The following MAML2 variants were observed in gnomAD, a reference collection of about 807,000 sequenced individuals.
The protein encoded by MAML2 is mastermind like transcriptional coactivator 2, also known as mastermind-like protein 2.
A neutral mutation model predicts 96.1 loss-of-function variants in MAML2; 22 were observed. The observed-to-expected ratio is 0.23, with a 90% CI of 0.16 to 0.33. The LOEUF is 0.33. Ranked by LOEUF, MAML2 falls within the 10% of genes least tolerant of loss-of-function variation. The pLI, the probability that MAML2 is intolerant of heterozygous loss-of-function variation, is 1.00. For synonymous variants in MAML2, 561 were observed against 521.3 expected (o/e 1.08, Z -1.04); for missense variants, 1,367 against 1,392.4 (o/e 0.98, Z 0.29).
At chr11:96,039,422 A>G (rs548107866) in intron 2 of MAML2, among the ~76,000 whole-genome samples, 15 of 150,334 alleles carry the variant, frequency 1.0e-4, no homozygotes, top group Non-Finnish European at 2.1e-4. Context: ...GGAGGAGGGA[A>G]GAGGAGAGGA....
chr11:96,163,255 C>A (rs1861142262), intron 1 of MAML2, among the ~76,000 whole-genome samples: 1 of 152,172 alleles, frequency 6.6e-6, no homozygotes, highest in Non-Finnish European at 1.5e-5. Context: ...ATGTGTTCAT[C>A]TCTCATTCCC....
chr11:96,005,190 C>T (rs1186758806), intron 2 of MAML2, among the ~76,000 whole-genome samples: 1 of 152,206 alleles, frequency 6.6e-6, no homozygotes, highest in African/African-American at 2.4e-5. Flanking sequence ...GTTATAACAG[C>T]ACAAATGAAC....
rs1231241776 is a variant in MAML2 at position 96,133,857 on chromosome 11, G to A, written c.514-40340C>T. ...AAAAATACAAAAATTAGCTGGGCGT[G>A]ATGGCATGTGCCTCTAGTCCCAGCT... On this transcript the variant is annotated intron_variant, in intron 1 of 4. Coordinates refer to ENST00000524717, the MANE Select transcript of MAML2 (RefSeq NM_032427.4). Among the ~76,000 whole-genome samples, 6 of 152,276 alleles carry A rather than the reference G, an allele frequency of 3.9e-5. 1 individual carries two copies. In the East Asian group the frequency reaches 1.2e-3, roughly 29 times the overall value.
intron 1 of MAML2, among the ~76,000 whole-genome samples, chr11:96,159,961 C>T (rs951092071): frequency 1.3e-5 from 2 of 152,124 alleles, no homozygotes; most frequent in African/African-American, 2.4e-5. Context: ...TATCATATTC[C>T]GAATTTATTA....
At chr11:96,100,138 C>T (rs11021430) in intron 1 of MAML2, among the ~76,000 whole-genome samples, 38,700 of 152,064 alleles carry the variant, frequency 0.25, 5,361 homozygotes, top group East Asian at 0.54. Flanking sequence ...CATCTGGACT[C>T]CATGCCCTTC....
intron 2 of MAML2, among the ~76,000 whole-genome samples, chr11:96,018,382 G>T (rs1185868919): frequency 1.3e-5 from 2 of 152,168 alleles, no homozygotes; most frequent in African/African-American, 4.8e-5. Context: ...TTTAGGAGTT[G>T]TCAGCATAGA....
At chr11:96,048,529 T>C (rs1013455140) in intron 2 of MAML2, among the ~76,000 whole-genome samples, 3 of 152,180 alleles carry the variant, frequency 2.0e-5, no homozygotes, top group African/African-American at 7.2e-5. Context: ...ATATAGGTAA[T>C]TAAATTTATG....
At chr11:96,162,111 G>A (rs1264097336) in intron 1 of MAML2, among the ~76,000 whole-genome samples, 3 of 148,712 alleles carry the variant, frequency 2.0e-5, no homozygotes. Context: ...GAAAAATAAA[G>A]TTAAAGGGCA....
chr11:96,036,849 A>G (rs774370054), intron 2 of MAML2, among the ~76,000 whole-genome samples: 17 of 152,236 alleles, frequency 1.1e-4, no homozygotes, highest in Non-Finnish European at 2.5e-4. Context: ...CTTAAACAAG[A>G]TAAAACACCT....
chr11:96,038,650 G>T (rs1858757370), intron 2 of MAML2, among the ~76,000 whole-genome samples: 1 of 152,162 alleles, frequency 6.6e-6, no homozygotes, highest in Non-Finnish European at 1.5e-5. Flanking sequence ...TCCTCCTCAT[G>T]GTCCTTACTT....
intron 2 of MAML2, among the ~76,000 whole-genome samples, chr11:96,085,556 A>G (rs1043679428): frequency 5.3e-5 from 8 of 152,226 alleles, no homozygotes; most frequent in Admixed American, 2.6e-4. Flanking sequence ...ATTACAGTTA[A>G]ATATCTGTCA....
rs1321104922 is a variant in MAML2 at position 96,091,916 on chromosome 11, G to A, written c.2115C>T (p.Tyr705=). Residue 705 remains tyrosine (Y), a synonymous_variant, in exon 2 of 5, where the codon TAC becomes TAT. Coordinates refer to ENST00000524717, the MANE Select transcript of MAML2 (RefSeq NM_032427.4). ...CCTGTCTCTGTTGTTGGGAGACTTGGTATCCCATTCCTGCAATGGGCTGAT... is the reference window on the plus strand; with the variant it reads ...CCTGTCTCTGTTGTTGGGAGACTTGATATCCCATTCCTGCAATGGGCTGAT... ...MQNQPIAGMG[Y]QVSQQQRQDQ... The A allele has an allele frequency of 1.2e-6, 2 of 1,613,412 alleles. No homozygotes were observed. The highest frequency in any genetic ancestry group is 1.7e-6 in the Non-Finnish European group (2 of 1,179,700).
intron 1 of MAML2, among the ~76,000 whole-genome samples, chr11:96,315,654 G>A (rs1863620791): frequency 6.6e-6 from 1 of 152,088 alleles, no homozygotes. Context: ...CACTCTGACA[G>A]GTCAGAATGA....
chr11:96,219,518 G>A (rs1029415013), intron 1 of MAML2, among the ~76,000 whole-genome samples: 44 of 152,164 alleles, frequency 2.9e-4, no homozygotes, highest in African/African-American at 6.8e-4. Flanking sequence ...GCCTTGCACC[G>A]TGATTTACAG....
At chr11:96,195,296 AG>A in intron 1 of MAML2, among the ~76,000 whole-genome samples, 1 of 152,368 alleles carries the variant, frequency 6.6e-6, no homozygotes, top group South Asian at 2.1e-4. Flanking sequence ...CCATGTTTAC[AG>A]GAACACCTAA....
intron 2 of MAML2, among the ~76,000 whole-genome samples, chr11:96,041,041 C>A (rs1858799237): frequency 6.6e-6 from 1 of 152,030 alleles, no homozygotes; most frequent in Non-Finnish European, 1.5e-5. Flanking sequence ...GTGATTATAC[C>A]ACAATTTATT....
chr11:96,271,590 G>C (rs767184635), intron 1 of MAML2, among the ~76,000 whole-genome samples: 6 of 152,166 alleles, frequency 3.9e-5, no homozygotes, highest in Non-Finnish European at 8.8e-5. Context: ...TTTTATAAGG[G>C]GCTTTTCCCC....
chr11:96,276,735 C>A (rs907504979), intron 1 of MAML2, among the ~76,000 whole-genome samples: 1 of 140,178 alleles, frequency 7.1e-6, no homozygotes, highest in African/African-American at 2.7e-5. Flanking sequence ...TACTAAAAAA[C>A]AGAAGAGGAA....
At position 96,341,729 on chromosome 11, in the gene MAML2, C is replaced by T; in HGVS notation, c.167G>A (p.Gly56Glu). 1 of 1,613,044 alleles carries T rather than the reference C, an allele frequency of 6.2e-7. No homozygotes were observed. The highest frequency in any genetic ancestry group is 8.5e-7 in the Non-Finnish European group (1 of 1,179,578). Residue 56 changes from glycine (G) to glutamate (E), a missense_variant, in exon 1 of 5, where the codon GGA becomes GAA. By Grantham distance (98) the Gly-to-Glu change is moderately conservative. Coordinates refer to ENST00000524717, the MANE Select transcript of MAML2 (RefSeq NM_032427.4). ...CTCGGCCCTACCTCGTTCATATCGT[C>T]CTTCACAGCTCAGGTGGTGTTGGCG... The part of the protein sequence containing the change: ...VCRQHHLSCE[G>E]RYERGRAESS...
Sources: allele counts gnomAD v4.1 joint callset (sites outside exome capture counted in the v4.1 genomes callset), GRCh38; gene constraint gnomAD v4.1.1; transcripts MANE v1.5; gene names NCBI Gene and HGNC (gene_info 2026-07-23, HGNC 2026-07-21).